Variants in ROBO1 observed in about 807,000 individuals in gnomAD.
ROBO1 encodes roundabout homolog 1.
A neutral mutation model predicts 195.9 loss-of-function variants in ROBO1; 149 were observed. That is an observed-to-expected ratio of 0.76 (90% CI 0.67 to 0.87). The LOEUF (loss-of-function observed/expected upper bound fraction) is 0.87, where lower values mean the gene tolerates loss of function less well. Among genes scored for constraint, ROBO1 ranks in the 40% least tolerant of loss-of-function variants. The pLI is 0.00. For synonymous variants in ROBO1, 816 were observed against 733.2 expected (o/e 1.11, Z -1.82); for missense variants, 1,933 against 2,068.3 (o/e 0.93, Z 1.27).
intron 3 of ROBO1, among the ~76,000 whole-genome samples, chr3:79,010,703 AG>A (rs1467741224): frequency 6.6e-6 from 1 of 152,148 alleles, no homozygotes; most frequent in Non-Finnish European, 1.5e-5. Flanking sequence ...ACAGGAGAAA[AG>A]ATCAAATACC....
chr3:79,563,678 T>C (rs1942998818), intron 2 of ROBO1, among the ~76,000 whole-genome samples: 1 of 152,122 alleles, frequency 6.6e-6, no homozygotes, highest in Non-Finnish European at 1.5e-5. Flanking sequence ...TATTTTTGTG[T>C]GTCATAAAGT....
intron 4 of ROBO1, among the ~76,000 whole-genome samples, chr3:78,812,780 T>C (rs2084781665): frequency 6.6e-6 from 1 of 152,142 alleles, no homozygotes; most frequent in Non-Finnish European, 1.5e-5. Flanking sequence ...TAGTGTATGA[T>C]AAATATAATA....
intron 2 of ROBO1, among the ~76,000 whole-genome samples, chr3:79,399,995 T>C (rs62259744): frequency 8.0e-4 from 122 of 152,290 alleles, no homozygotes; most frequent in Non-Finnish European, 1.4e-3. Context: ...CTTAGGTTTA[T>C]TGGGTGCACA....
chr3:79,534,358 T>C (rs1346657150), intron 2 of ROBO1, among the ~76,000 whole-genome samples: 1 of 152,100 alleles, frequency 6.6e-6, no homozygotes, highest in Non-Finnish European at 1.5e-5. Context: ...CGACCATTTC[T>C]ATGTAGAGAG....
At chr3:79,431,425 A>G (rs1211892767) in intron 2 of ROBO1, among the ~76,000 whole-genome samples, 1 of 152,072 alleles carries the variant, frequency 6.6e-6, no homozygotes, top group Admixed American at 6.6e-5. Context: ...GCAAGTTTGT[A>G]AAGTACTGTA....
At chr3:79,064,056 G>A (rs1403844421) in intron 3 of ROBO1, among the ~76,000 whole-genome samples, 3 of 151,792 alleles carry the variant, frequency 2.0e-5, no homozygotes, top group South Asian at 2.1e-4. Context: ...TAATAATAAA[G>A]TATTGCATGT....
rs148001125 is a variant in ROBO1 at position 78,955,288 on chromosome 3, T to C, written c.173-16361A>G. Among the ~76,000 whole-genome samples, 1,008 of 152,130 alleles carry C rather than the reference T, an allele frequency of 6.6e-3. 14 individuals carry two copies. Among genetic ancestry groups the C allele is most frequent in the African/African-American group, 0.023 (960 of 41,510 alleles). ...TAAACTGTGTGTCATGGGGGTTTGG[T>C]GTACAGATTATTTCATTACCAAGGC... On this transcript the variant is annotated intron_variant, in intron 3 of 30. Coordinates refer to ENST00000464233, the MANE Select transcript of ROBO1 (RefSeq NM_002941.4).
At chr3:78,712,017 C>CAAAAAAAAAA (rs56267632) in intron 8 of ROBO1, among the ~76,000 whole-genome samples, 10 of 76,420 alleles carry the variant, frequency 1.3e-4, no homozygotes, top group Non-Finnish European at 1.7e-4. Flanking sequence ...AAGACCTTGG[C>CAAAAAAAAAA]AAAAAAAAAA....
At chr3:79,608,884 T>C (rs529874195) in intron 1 of ROBO1, among the ~76,000 whole-genome samples, 4 of 152,072 alleles carry the variant, frequency 2.6e-5, no homozygotes, top group Non-Finnish European at 5.9e-5. Flanking sequence ...GTAATGGTAT[T>C]AAAAGATATA....
chr3:78,957,719 A>G (rs1181003306), intron 3 of ROBO1, among the ~76,000 whole-genome samples: 1 of 152,220 alleles, frequency 6.6e-6, no homozygotes, highest in Non-Finnish European at 1.5e-5. Context: ...ATTAACAGGT[A>G]TCAATTGCCT....
chr3:79,152,639 A>G (rs2080793119), intron 2 of ROBO1, among the ~76,000 whole-genome samples: 1 of 151,836 alleles, frequency 6.6e-6, no homozygotes, highest in African/African-American at 2.4e-5. Flanking sequence ...AATCACAAAA[A>G]CGAATAATAT....
intron 10 of ROBO1, among the ~76,000 whole-genome samples, chr3:78,674,700 T>C (rs986144229): frequency 2.0e-5 from 3 of 152,210 alleles, no homozygotes; most frequent in Admixed American, 6.5e-5. Context: ...ATGCGTGATC[T>C]AGTCTCACAA....
At chr3:78,749,617 G>A (rs893057360) in intron 4 of ROBO1, among the ~76,000 whole-genome samples, 5 of 152,154 alleles carry the variant, frequency 3.3e-5, no homozygotes, top group Middle Eastern at 3.4e-3. Context: ...CCTTTTGGGG[G>A]AAAATAATAT....
At chr3:79,530,095 A>C (rs1029140986) in intron 2 of ROBO1, among the ~76,000 whole-genome samples, 1 of 152,226 alleles carries the variant, frequency 6.6e-6, no homozygotes, top group Non-Finnish European at 1.5e-5. Flanking sequence ...TTGCTTTAAA[A>C]TAATAGCAAA....
intron 26 of ROBO1, among the ~76,000 whole-genome samples, chr3:78,626,583 A>G (rs1704794823): frequency 6.6e-6 from 1 of 152,280 alleles, no homozygotes; most frequent in South Asian, 2.1e-4. Flanking sequence ...GTCAAGGGCA[A>G]AAAAACAGTA....
chr3:78,757,661 AAAAC>A (rs537683626), intron 4 of ROBO1, among the ~76,000 whole-genome samples: 46 of 152,318 alleles, frequency 3.0e-4, no homozygotes, highest in African/African-American at 7.7e-4. Flanking sequence ...TATTGAATTG[AAAAC>A]AAACAAACAA....
At chr3:79,198,004 A>G (rs1576802971) in intron 2 of ROBO1, among the ~76,000 whole-genome samples, 1 of 151,606 alleles carries the variant, frequency 6.6e-6, no homozygotes, top group Non-Finnish European at 1.5e-5. Context: ...TCACTCTGAT[A>G]GTACTTTCTT....
intron 2 of ROBO1, among the ~76,000 whole-genome samples, chr3:79,207,387 A>C (rs2081889514): frequency 6.6e-6 from 1 of 152,144 alleles, no homozygotes; most frequent in Non-Finnish European, 1.5e-5. Context: ...AATCCATTGC[A>C]GAAAGGGCAA....
chr3:79,426,647 C>T (rs982912087), intron 2 of ROBO1, among the ~76,000 whole-genome samples: 6 of 152,148 alleles, frequency 3.9e-5, no homozygotes, highest in Non-Finnish European at 7.4e-5. Flanking sequence ...GGATTACAGG[C>T]GTAAGCCACC....
Sources: allele counts gnomAD v4.1 joint callset (sites outside exome capture counted in the v4.1 genomes callset), GRCh38; gene constraint gnomAD v4.1.1; transcripts MANE v1.5; gene names NCBI Gene and HGNC (gene_info 2026-07-23, HGNC 2026-07-21).